IL1RAPL1: variants seen among roughly 807,000 people sequenced by gnomAD.
IL1RAPL1 encodes interleukin 1 receptor accessory protein like 1, also known as interleukin-1 receptor accessory protein-like 1.
In IL1RAPL1, 3 loss-of-function variants were observed where a neutral mutation model predicts 48.4. The ratio of observed to expected loss-of-function variants is 0.06; its 90% CI spans 0.03 to 0.16. The LOEUF (loss-of-function observed/expected upper bound fraction) is 0.16. Ranked by LOEUF, IL1RAPL1 falls within the 10% of genes least tolerant of loss-of-function variation. The pLI is 1.00. For missense variants in IL1RAPL1, 349 were observed against 530.6 expected (o/e 0.66, Z 3.36); for synonymous variants, 185 against 187.7 (o/e 0.99, Z 0.12).
chrX:29,172,419 T>A (rs1929926359), intron 2 of IL1RAPL1, among the ~76,000 whole-genome samples: 1 of 111,466 alleles, frequency 9.0e-6, no homozygotes, highest in African/African-American at 3.3e-5. Flanking sequence ...CCTATTTTTT[T>A]AAATCAATTT....
At chrX:28,812,991 T>G (rs1936811895) in intron 2 of IL1RAPL1, among the ~76,000 whole-genome samples, 1 of 111,152 alleles carries the variant, frequency 9.0e-6, no homozygotes, top group South Asian at 3.7e-4. Flanking sequence ...ATAGAAGATT[T>G]TTTTTTCTTG....
At chrX:28,712,395 A>G (rs1038887445) in intron 1 of IL1RAPL1, among the ~76,000 whole-genome samples, 3 of 110,480 alleles carry the variant, frequency 2.7e-5, no homozygotes, top group African/African-American at 9.9e-5. Context: ...CAATTCCCCG[A>G]ATGACTAAGA....
At chrX:29,693,825 T>G (rs766308755) in intron 6 of IL1RAPL1, among the ~76,000 whole-genome samples, 1 of 111,387 alleles carries the variant, frequency 9.0e-6, no homozygotes, top group East Asian at 2.8e-4. Flanking sequence ...TTCTTTTTTT[T>G]TTTTTGAATA....
At chrX:29,853,206 A>G (rs888609879) in intron 6 of IL1RAPL1, among the ~76,000 whole-genome samples, 4 of 108,940 alleles carry the variant, frequency 3.7e-5, no homozygotes, top group Non-Finnish European at 7.6e-5. Flanking sequence ...AAAAAAAAAA[A>G]AAACACGGCC....
chrX:29,287,253 G>A (rs1408364344), intron 3 of IL1RAPL1, among the ~76,000 whole-genome samples: 2 of 111,915 alleles, frequency 1.8e-5, no homozygotes, highest in South Asian at 7.5e-4. Flanking sequence ...CCAAGTTGTT[G>A]TACATATCCA....
rs552297879 is a variant in IL1RAPL1 at position 28,788,817 on chromosome X, A to G, written c.-24-503A>G. Among the ~76,000 whole-genome samples, 43 of 111,147 alleles carry G rather than the reference A, an allele frequency of 3.9e-4. No individual in the cohort carries two copies. The South Asian group carries it at 0.016, about 42-fold the overall frequency. On this transcript the variant is annotated intron_variant, in intron 1 of 10. Coordinates refer to ENST00000378993, the MANE Select transcript of IL1RAPL1 (RefSeq NM_014271.4). ...ACAAAAGTCTTAAAATTATCTTACA[A>G]TATCTTTTAGAGGTTTTTGAAAGAA...
intron 2 of IL1RAPL1, among the ~76,000 whole-genome samples, chrX:29,227,885 A>G (rs1006170471): frequency 2.7e-5 from 3 of 111,264 alleles, no homozygotes; most frequent in Admixed American, 9.6e-5. Context: ...TTTAATGGGT[A>G]CTATAGAGAT....
chrX:28,904,525 G>A (rs757121469), intron 2 of IL1RAPL1, among the ~76,000 whole-genome samples: 1 of 112,175 alleles, frequency 8.9e-6, no homozygotes, highest in African/African-American at 3.2e-5. Flanking sequence ...TTAGAAAGGA[G>A]TGATAATTTA....
intron 1 of IL1RAPL1, among the ~76,000 whole-genome samples, chrX:28,637,935 CT>C (rs1192363586): frequency 8.9e-6 from 1 of 111,988 alleles, no homozygotes; most frequent in Non-Finnish European, 1.9e-5. Context: ...CAAAACCATA[CT>C]TTTTAAAAAC....
intron 2 of IL1RAPL1, among the ~76,000 whole-genome samples, chrX:28,886,077 C>T (rs1922621042): frequency 9.1e-6 from 1 of 110,364 alleles, no homozygotes; most frequent in South Asian, 3.8e-4. Context: ...CCTATAGTTT[C>T]TGCCTAAAAT....
At chrX:29,853,333 AAG>A (rs1226211295) in intron 6 of IL1RAPL1, among the ~76,000 whole-genome samples, 3 of 110,115 alleles carry the variant, frequency 2.7e-5, no homozygotes, top group African/African-American at 9.9e-5. Flanking sequence ...TCTCGAAAAA[AAG>A]AAAAAAAGAA....
At chrX:29,083,163 CA>C (rs1316470494) in intron 2 of IL1RAPL1, among the ~76,000 whole-genome samples, 2 of 111,615 alleles carry the variant, frequency 1.8e-5, no homozygotes, top group African/African-American at 6.5e-5. Flanking sequence ...GTGGAAAGAT[CA>C]TTTGAGAATG....
chrX:29,844,991 T>G (rs1415595865), intron 6 of IL1RAPL1, among the ~76,000 whole-genome samples: 1 of 111,881 alleles, frequency 8.9e-6, no homozygotes, highest in Admixed American at 9.5e-5. Flanking sequence ...CCAAGGATTG[T>G]GGGCAACCAC....
At chrX:28,659,548 C>T in intron 1 of IL1RAPL1, 1 of 434,678 alleles carries the variant, frequency 2.3e-6, no homozygotes, top group Admixed American at 3.8e-5. Flanking sequence ...TGGCTAGAGG[C>T]GAGCTAGAGA....
intron 6 of IL1RAPL1, among the ~76,000 whole-genome samples, chrX:29,766,544 C>T (rs190426080): frequency 0.016 from 1,534 of 95,817 alleles, 14 homozygotes; most frequent in Non-Finnish European, 0.024. Flanking sequence ...TGAAAAATTT[C>T]AAGCAAGACT....
chrX:28,838,177 A>C (rs1187513329), intron 2 of IL1RAPL1, among the ~76,000 whole-genome samples: 2 of 111,135 alleles, frequency 1.8e-5, no homozygotes, highest in Admixed American at 1.9e-4. Context: ...TTTTTGAAAA[A>C]CTGGAAGGAG....
chrX:29,339,104 A>G (rs910056647), intron 3 of IL1RAPL1, among the ~76,000 whole-genome samples: 1 of 110,028 alleles, frequency 9.1e-6, no homozygotes, highest in Non-Finnish European at 1.9e-5. Flanking sequence ...ACACACACAC[A>G]CACACACACG....
At chrX:29,411,099 C>A (rs1015902666) in intron 5 of IL1RAPL1, among the ~76,000 whole-genome samples, 42 of 111,636 alleles carry the variant, frequency 3.8e-4, no homozygotes, top group African/African-American at 1.2e-3. Flanking sequence ...GTGGTTCACA[C>A]CTGTAATACT....
At chrX:29,144,654 C>G (rs1929312323) in intron 2 of IL1RAPL1, among the ~76,000 whole-genome samples, 1 of 104,800 alleles carries the variant, frequency 9.5e-6, no homozygotes, top group Admixed American at 1.0e-4. Flanking sequence ...AATCTCCTTT[C>G]CTTAATATAA....
Sources: allele counts gnomAD v4.1 joint callset (sites outside exome capture counted in the v4.1 genomes callset), GRCh38; gene constraint gnomAD v4.1.1; transcripts MANE v1.5; gene names NCBI Gene and HGNC (gene_info 2026-07-23, HGNC 2026-07-21).